Variants in PIK3R4 observed in about 807,000 individuals in gnomAD.
The protein encoded by PIK3R4 is phosphoinositide-3-kinase regulatory subunit 4, also known as phosphoinositide 3-kinase regulatory subunit 4.
A neutral mutation model predicts 136.5 loss-of-function variants in PIK3R4; 46 were observed. The ratio of observed to expected loss-of-function variants is 0.34; its 90% confidence interval spans 0.27 to 0.43. PIK3R4 has a LOEUF of 0.43. Ranked by LOEUF, PIK3R4 falls within the 20% of genes least tolerant of loss-of-function variation. The pLI, the probability that PIK3R4 is intolerant of heterozygous loss-of-function variation, is 1.00. For missense variants in PIK3R4, 1,331 were observed against 1,649.5 expected, an observed-to-expected ratio of 0.81 and a Z score of 3.35; for synonymous variants, 557 against 566.7, an observed-to-expected ratio of 0.98 and a Z score of 0.24.
At chr3:130,695,511 G>C (rs1426163988) in intron 13 of PIK3R4, among the ~76,000 whole-genome samples, 1 of 152,058 alleles carries the variant, frequency 6.6e-6, no homozygotes, top group Non-Finnish European at 1.5e-5. Flanking sequence ...GTTCCCTCCT[G>C]CCCAGGACTT....
intron 3 of PIK3R4, among the ~76,000 whole-genome samples, chr3:130,735,092 C>T (rs2066778915): frequency 6.6e-6 from 1 of 152,198 alleles, no homozygotes; most frequent in Non-Finnish European, 1.5e-5. Flanking sequence ...CAGAACACTA[C>T]ACCAACTCCT....
At position 130,718,512 on chromosome 3, in the gene PIK3R4, A is replaced by G. The variant is rs553426381; in HGVS notation, c.2004T>C (p.Asn668=). ...SDIAPFLCHP[N]LWIRYGAVGF... ...CCACGGCACCATAACGTATCCATAA[A>G]TTGGGATGACACAGGAAGGGGGCTA... Residue 668 remains asparagine, a synonymous_variant, in exon 8 of 20, where the codon AAT becomes AAC. Coordinates refer to ENST00000356763, the MANE Select transcript of PIK3R4 (RefSeq NM_014602.3). The G allele has an allele frequency of 4.3e-6, 7 of 1,613,846 alleles. No homozygotes were observed. The African/African-American group carries it at 5.3e-5, about 12-fold the overall frequency.
rs929727243 is a variant in PIK3R4 at position 130,746,714 on chromosome 3, G to T, written c.-443C>A. 2.6e-5 allele frequency: 4 copies of T among 152,366 alleles called. No homozygotes were observed. Among genetic ancestry groups the T allele is most frequent in the Non-Finnish European group, 5.9e-5 (4 of 68,166 alleles). 9.4% of individuals were successfully genotyped at this position (152,366 alleles called of 1,614,324 possible). ...CCTCGAGGGCCTCACCACCGGGCGGGGGGAGATGGAACCCGGGAGAGAAGT... is the reference window on the plus strand; with the variant it reads ...CCTCGAGGGCCTCACCACCGGGCGGTGGGAGATGGAACCCGGGAGAGAAGT... On this transcript the variant is annotated 5_prime_UTR_variant, in exon 1 of 20. Transcript: ENST00000356763.
At chr3:130,693,992 CT>C (rs1327528170) in intron 13 of PIK3R4, among the ~76,000 whole-genome samples, 3 of 152,030 alleles carry the variant, frequency 2.0e-5, no homozygotes, top group African/African-American at 4.8e-5. Context: ...AATCCCAGCA[CT>C]GCTTGTTCTA....
chr3:130,735,179 C>A (rs954654606), intron 3 of PIK3R4, among the ~76,000 whole-genome samples: 1 of 152,120 alleles, frequency 6.6e-6, no homozygotes, highest in Non-Finnish European at 1.5e-5. Flanking sequence ...ATTTGACATA[C>A]TTAAGAGAAA....
At chr3:130,721,007 A>T (rs1299651890) in intron 7 of PIK3R4, among the ~76,000 whole-genome samples, 1 of 152,094 alleles carries the variant, frequency 6.6e-6, no homozygotes, top group Non-Finnish European at 1.5e-5. Context: ...ACTGCACTCC[A>T]GCCTGGGTGA....
At chr3:130,744,432 A>C in intron 2 of PIK3R4, 54 bp downstream of exon 2, 4 of 1,521,476 alleles carry the variant, frequency 2.6e-6, no homozygotes, top group Non-Finnish European at 3.5e-6. Context: ...ATTTCTGTTT[A>C]ACAGTTAAAA....
chr3:130,711,794 T>A (rs1030577934), intron 9 of PIK3R4, among the ~76,000 whole-genome samples: 1 of 152,286 alleles, frequency 6.6e-6, no homozygotes, highest in East Asian at 1.9e-4. Flanking sequence ...ACACCCAACA[T>A]AAAATTCACA....
intron 8 of PIK3R4, 36 bp downstream of exon 8, chr3:130,718,353 G>A: frequency 6.3e-7 from 1 of 1,582,006 alleles, no homozygotes; most frequent in South Asian, 1.1e-5. Flanking sequence ...GGCACAGTTT[G>A]GAGGAAAGAC....
At chr3:130,732,377 C>T (rs2066764109) in intron 4 of PIK3R4, among the ~76,000 whole-genome samples, 1 of 152,122 alleles carries the variant, frequency 6.6e-6, no homozygotes, top group African/African-American at 2.4e-5. Context: ...GATTAAGATA[C>T]ACTGCACCAA....
chr3:130,683,968 G>T (rs1047225048), intron 16 of PIK3R4, among the ~76,000 whole-genome samples: 2 of 152,116 alleles, frequency 1.3e-5, no homozygotes, highest in African/African-American at 4.8e-5. Flanking sequence ...TCTCTAGGAA[G>T]ATGGTGGCAG....
intron 13 of PIK3R4, among the ~76,000 whole-genome samples, chr3:130,699,652 A>G (rs1008879130): frequency 5.9e-5 from 9 of 152,196 alleles, no homozygotes; most frequent in African/African-American, 2.2e-4. Context: ...AGTCTTTGCC[A>G]GTATTCTCAT....
chr3:130,727,448 C>T (rs921032909), intron 6 of PIK3R4, among the ~76,000 whole-genome samples: 10 of 152,202 alleles, frequency 6.6e-5, no homozygotes, highest in Non-Finnish European at 1.3e-4. Context: ...TGGTCTCGAT[C>T]TCCTAACCTC....
intron 8 of PIK3R4, among the ~76,000 whole-genome samples, chr3:130,716,920 G>C (rs977483452): frequency 3.9e-5 from 6 of 152,186 alleles, no homozygotes; most frequent in African/African-American, 1.2e-4. Flanking sequence ...TAAAAAGTAT[G>C]TGCAGTTCAC....
rs2066602445 is a variant in PIK3R4 at position 130,705,636 on chromosome 3, C to T, written c.2857G>A (p.Glu953Lys). 1 of 1,613,856 alleles carries T rather than the reference C, an allele frequency of 6.2e-7. No homozygotes were observed. The highest frequency in any genetic ancestry group is 8.5e-7 in the Non-Finnish European group (1 of 1,179,750). ...ELQQLIQQKR[E>K]QCNAERIAKQ... ...GCTATTCTCTCAGCATTGCACTGCT[C>T]CCGCTTTTGCTGGATGAGTTGCTGA... The change falls in exon 12 of 20, where the codon GAG becomes AAG. Residue 953 changes from glutamate to lysine, a missense_variant. Physicochemically the swap from Glu to Lys is moderately conservative, Grantham distance 56. Coordinates refer to ENST00000356763, the MANE Select transcript of PIK3R4 (RefSeq NM_014602.3).
At chr3:130,681,682 G>C in intron 16 of PIK3R4, 91 bp from the exon 17 acceptor site, 1 of 716,086 alleles carries the variant, frequency 1.4e-6, no homozygotes, top group Admixed American at 2.6e-5. Context: ...GAGAAAGAAA[G>C]AAAAATTTCT....
chr3:130,736,047 T>G, intron 2 of PIK3R4, 45 bp from the exon 3 acceptor site: 1 of 1,331,942 alleles, frequency 7.5e-7, no homozygotes, highest in South Asian at 1.4e-5. Flanking sequence ...AGATAAAAAA[T>G]ATCATGCAAT....
At chr3:130,705,798 T>C (rs1241133493) in intron 11 of PIK3R4, 27 bp from the exon 12 acceptor site, 1 of 1,383,540 alleles carries the variant, frequency 7.2e-7, no homozygotes, top group South Asian at 1.2e-5. Context: ...ATTCTAACTA[T>C]TTACGTCGTA....
At chr3:130,728,805 G>T in intron 5 of PIK3R4, 121 bp from the exon 6 acceptor site, 1 of 631,312 alleles carries the variant, frequency 1.6e-6, no homozygotes, top group South Asian at 3.0e-5. Context: ...ACTGATTACA[G>T]AATCCACCGA....
Sources: gnomAD v4.1 joint callset for allele counts (sites outside exome capture counted in the v4.1 genomes callset) on GRCh38, gnomAD v4.1.1 for gene constraint, MANE v1.5 for transcripts, NCBI Gene and HGNC (gene_info 2026-07-23, HGNC 2026-07-21) for gene names.